Variants in PAPSS1 observed in about 807,000 individuals in gnomAD.
PAPSS1 encodes the protein 3'-phosphoadenosine 5'-phosphosulfate synthase 1.
PAPSS1 carries 50 observed loss-of-function variants against 72.0 expected under a neutral mutation model. The ratio of observed to expected loss-of-function variants is 0.69; its 90% CI spans 0.55 to 0.88. PAPSS1 has a LOEUF of 0.88. PAPSS1 is among the 40% of genes least tolerant of loss of function. The probability of loss-of-function intolerance (pLI) is 0.00; values close to 1 mark genes in which losing one functional copy is unlikely to be tolerated. For synonymous variants in PAPSS1, 261 were observed against 263.6 expected (o/e 0.99, Z 0.09); for missense variants, 657 against 782.2 (o/e 0.84, Z 1.91).
chr4:107,635,768 T>C (rs1015859870), intron 10 of PAPSS1, among the ~76,000 whole-genome samples: 4 of 152,204 alleles, frequency 2.6e-5, no homozygotes, highest in Non-Finnish European at 5.9e-5. Flanking sequence ...ATAATCTACA[T>C]GCTGGGACCA....
In PAPSS1 at chr4:107,616,315, T is replaced by TTATAATGAG. The variant is rs573472241; in HGVS notation, c.1737-1937_1737-1929dup. ...AATGAGAATGTCAATTATTATAATT[T>TTATAATGAG]TATAATGAGTAAAAACTCATTTTAA... On this transcript the variant is annotated intron_variant, in intron 11 of 11. Coordinates refer to ENST00000265174, the MANE Select transcript of PAPSS1 (RefSeq NM_005443.5). Among the ~76,000 whole-genome samples, 288 of 152,308 alleles carry TTATAATGAG rather than the reference T, an allele frequency of 1.9e-3. 1 individual carries two copies. Among genetic ancestry groups the TTATAATGAG allele is most frequent in the African/African-American group, 6.5e-3 (271 of 41,570 alleles).
At chr4:107,713,494 C>G (rs561849405) in intron 1 of PAPSS1, among the ~76,000 whole-genome samples, 10 of 151,824 alleles carry the variant, frequency 6.6e-5, no homozygotes, top group Non-Finnish European at 1.5e-4. Flanking sequence ...GCATGGTGAC[C>G]CACGCCTGTA....
intron 10 of PAPSS1, among the ~76,000 whole-genome samples, chr4:107,635,576 T>A (rs955576102): frequency 6.6e-6 from 1 of 152,032 alleles, no homozygotes; most frequent in Non-Finnish European, 1.5e-5. Context: ...TCTACATACT[T>A]CCAATCTCCT....
At chr4:107,631,089 A>C (rs970898246) in intron 11 of PAPSS1, among the ~76,000 whole-genome samples, 3 of 152,222 alleles carry the variant, frequency 2.0e-5, no homozygotes, top group African/African-American at 4.8e-5. Context: ...AATGAATTTC[A>C]TGTTTAGAAT....
At chr4:107,650,741 T>C (rs905357952) in intron 9 of PAPSS1, among the ~76,000 whole-genome samples, 1 of 152,160 alleles carries the variant, frequency 6.6e-6, no homozygotes, top group Non-Finnish European at 1.5e-5. Context: ...GACTCCATGG[T>C]TGGATGAGAA....
chr4:107,697,974 G>C (rs1392607280), intron 2 of PAPSS1, among the ~76,000 whole-genome samples: 1 of 152,132 alleles, frequency 6.6e-6, no homozygotes, highest in Non-Finnish European at 1.5e-5. Context: ...AGCCAAGGGG[G>C]AAACAGAAGA....
In PAPSS1 at chr4:107,660,078, T is replaced by A. The variant is rs1355856388; in HGVS notation, c.670-6A>T. 9.3e-6 allele frequency: 12 copies of A among 1,290,564 alleles called. No homozygotes were observed. Among genetic ancestry groups the A allele is most frequent in the Non-Finnish European group, 1.3e-5 (12 of 905,938 alleles). The allele number at this position is 1,290,564 out of a possible 1,614,324, so 79.9% of individuals were successfully genotyped here. A position where few individuals can be genotyped will look rare whatever the true frequency, so the allele number is the denominator to read the frequency against. On this transcript the variant is annotated splice_polypyrimidine_tract_variant and splice_region_variant and intron_variant, in intron 5 of 11. Coordinates refer to ENST00000265174, the MANE Select transcript of PAPSS1 (RefSeq NM_005443.5). ...GCATCCACAGGTACAATATCCTATA[T>A]AACAACAGGAGTACAATTTAAATGT...
chr4:107,647,516 T>C (rs1323667948), intron 9 of PAPSS1, among the ~76,000 whole-genome samples: 2 of 152,222 alleles, frequency 1.3e-5, no homozygotes, highest in African/African-American at 4.8e-5. Flanking sequence ...CTTCTAACTG[T>C]GGCACCAACC....
intron 11 of PAPSS1, 130 bp downstream of exon 11, chr4:107,631,501 G>A (rs1726223392): frequency 1.6e-6 from 1 of 607,114 alleles, no homozygotes; most frequent in Non-Finnish European, 2.8e-6. Flanking sequence ...TTACTTTTCT[G>A]GGTTTACCTT....
chr4:107,675,852 C>T (rs1403979395), intron 5 of PAPSS1, among the ~76,000 whole-genome samples: 1 of 152,230 alleles, frequency 6.6e-6, no homozygotes, highest in Non-Finnish European at 1.5e-5. Flanking sequence ...AAGTCAGCTT[C>T]ATCCCTGGGA....
At chr4:107,646,232 T>C (rs1726688075) in intron 9 of PAPSS1, among the ~76,000 whole-genome samples, 1 of 151,910 alleles carries the variant, frequency 6.6e-6, no homozygotes, top group Non-Finnish European at 1.5e-5. Flanking sequence ...TACTTCAAAT[T>C]TGGTTTTACA....
At chr4:107,618,590 T>G (rs1390856704) in intron 11 of PAPSS1, among the ~76,000 whole-genome samples, 1 of 151,598 alleles carries the variant, frequency 6.6e-6, no homozygotes, top group Non-Finnish European at 1.5e-5. Flanking sequence ...CAGAAGGTGG[T>G]GGGGGAGTGG....
chr4:107,654,943 T>TCAACAC, intron 7 of PAPSS1, 43 bp from the exon 8 acceptor site: 1 of 1,453,170 alleles, frequency 6.9e-7, no homozygotes, highest in East Asian at 2.3e-5. Context: ...CTTGAATTAC[T>TCAACAC]CAACACGCTT....
intron 9 of PAPSS1, among the ~76,000 whole-genome samples, chr4:107,646,308 TATAC>T (rs774477525): frequency 0.04 from 5,644 of 142,690 alleles, 306 homozygotes; most frequent in African/African-American, 0.15. Flanking sequence ...TATATATATA[TATAC>T]ACACACACAC....
intron 5 of PAPSS1, among the ~76,000 whole-genome samples, chr4:107,665,580 C>A (rs1037853785): frequency 1.3e-5 from 2 of 152,264 alleles, no homozygotes; most frequent in African/African-American, 4.8e-5. Context: ...TCCAGTCACC[C>A]AGCACTGAAG....
intron 10 of PAPSS1, among the ~76,000 whole-genome samples, chr4:107,633,912 C>T (rs1462391095): frequency 1.5e-5 from 2 of 133,400 alleles, no homozygotes; most frequent in African/African-American, 5.5e-5. Flanking sequence ...GAACGAGACT[C>T]CGTCTCAAAA....
chr4:107,647,195 C>T (rs1387002095), intron 9 of PAPSS1, among the ~76,000 whole-genome samples: 1 of 152,280 alleles, frequency 6.6e-6, no homozygotes, highest in Non-Finnish European at 1.5e-5. Context: ...AGAATAAATA[C>T]ATGTTAAAAG....
At chr4:107,694,869 C>A (rs1333025879) in intron 2 of PAPSS1, among the ~76,000 whole-genome samples, 1 of 151,922 alleles carries the variant, frequency 6.6e-6, no homozygotes, top group Admixed American at 6.6e-5. Context: ...CAAGATAGTT[C>A]TAAAACAAGA....
At chr4:107,621,364 T>G (rs1156646516) in intron 11 of PAPSS1, among the ~76,000 whole-genome samples, 1 of 152,184 alleles carries the variant, frequency 6.6e-6, no homozygotes, top group Admixed American at 6.5e-5. Flanking sequence ...CTCAACTGCG[T>G]ACAACTGTGT....
Sources: gnomAD v4.1 joint callset for allele counts (sites outside exome capture counted in the v4.1 genomes callset) on GRCh38, gnomAD v4.1.1 for gene constraint, MANE v1.5 for transcripts, NCBI Gene and HGNC (gene_info 2026-07-23, HGNC 2026-07-21) for gene names.